The following NEDD4L variants were observed in gnomAD, a reference collection of about 807,000 sequenced individuals.
NEDD4L encodes the protein E3 ubiquitin-protein ligase NEDD4-like.
In NEDD4L, 54 loss-of-function variants were observed where a neutral mutation model predicts 148.9. That is an observed-to-expected ratio of 0.36 (90% CI 0.29 to 0.45). The LOEUF is 0.45. NEDD4L is among the 20% of genes least tolerant of loss of function. NEDD4L has a pLI of 1.00. For missense variants in NEDD4L, 856 were observed against 1,233.8 expected (o/e 0.69, Z 4.59); for synonymous variants, 433 against 440.7 (o/e 0.98, Z 0.22).
At chr18:58,255,672 C>G (rs1027400883) in intron 5 of NEDD4L, 3 of 1,232,424 alleles carry the variant, frequency 2.4e-6, no homozygotes, top group Non-Finnish European at 3.0e-6. Context: ...CATTTTGGCT[C>G]TGGTCGCAGC....
At chr18:58,137,491 A>G (rs1286698084) in intron 1 of NEDD4L, among the ~76,000 whole-genome samples, 1 of 152,090 alleles carries the variant, frequency 6.6e-6, no homozygotes, top group East Asian at 1.9e-4. Context: ...GAAAGGCCAT[A>G]AGGATGAGGA....
chr18:58,094,762 A>G (rs1675), intron 1 of NEDD4L, among the ~76,000 whole-genome samples: 15,361 of 152,128 alleles, frequency 0.1, 927 homozygotes, highest in Admixed American at 0.16. Context: ...GCCTGACTGC[A>G]TAGGTGGCGG....
At chr18:58,085,787 A>G (rs1452761927) in intron 1 of NEDD4L, among the ~76,000 whole-genome samples, 1 of 152,194 alleles carries the variant, frequency 6.6e-6, no homozygotes, top group Non-Finnish European at 1.5e-5. Flanking sequence ...TTCTCTCTCT[A>G]TTAAAAGGAG....
chr18:58,381,509 C>T (rs572499328), intron 24 of NEDD4L, among the ~76,000 whole-genome samples: 1 of 152,304 alleles, frequency 6.6e-6, no homozygotes, highest in South Asian at 2.1e-4. Context: ...GGATGCTTAT[C>T]TACTTGACCT....
chr18:58,361,130 A>G (rs904942517), intron 19 of NEDD4L, among the ~76,000 whole-genome samples: 5 of 152,152 alleles, frequency 3.3e-5, no homozygotes, highest in African/African-American at 1.2e-4. Context: ...CTGTGTCCCC[A>G]TGGGAGATTA....
At chr18:58,166,827 G>A (rs1365860489) in intron 2 of NEDD4L, among the ~76,000 whole-genome samples, 2 of 152,206 alleles carry the variant, frequency 1.3e-5, no homozygotes, top group East Asian at 1.9e-4. Flanking sequence ...GGCCCTTGGT[G>A]ACCCCTAGAT....
At chr18:58,260,862 A>G (rs1259226544) in intron 5 of NEDD4L, among the ~76,000 whole-genome samples, 1 of 152,222 alleles carries the variant, frequency 6.6e-6, no homozygotes, top group African/African-American at 2.4e-5. Flanking sequence ...TCTGCAGTTC[A>G]CTAGCTTTTG....
chr18:58,207,831 TAA>T (rs1399080598), intron 2 of NEDD4L, among the ~76,000 whole-genome samples: 1 of 152,038 alleles, frequency 6.6e-6, no homozygotes, highest in African/African-American at 2.4e-5. Context: ...TGACATAACT[TAA>T]AGAGAAGGGA....
intron 1 of NEDD4L, among the ~76,000 whole-genome samples, chr18:58,132,461 G>A (rs1003387856): frequency 2.6e-5 from 4 of 152,294 alleles, no homozygotes; most frequent in South Asian, 4.1e-4. Context: ...ATCACAAAAG[G>A]TACTTCAATA....
chr18:58,313,782 A>G (rs1568661758), intron 5 of NEDD4L, among the ~76,000 whole-genome samples: 1 of 152,258 alleles, frequency 6.6e-6, no homozygotes, highest in Non-Finnish European at 1.5e-5. Flanking sequence ...TGTCTGGGCA[A>G]AGCTTTAACC....
intron 1 of NEDD4L, among the ~76,000 whole-genome samples, chr18:58,077,043 G>A (rs1469171593): frequency 6.6e-6 from 1 of 151,266 alleles, no homozygotes; most frequent in Non-Finnish European, 1.5e-5. Context: ...GTAGAGATGG[G>A]GTTTTGCTAA....
At chr18:58,330,089 T>C (rs934471137) in intron 10 of NEDD4L, among the ~76,000 whole-genome samples, 2 of 152,228 alleles carry the variant, frequency 1.3e-5, no homozygotes, top group Non-Finnish European at 2.9e-5. Flanking sequence ...AACAACAAAT[T>C]AGCCATAATC....
At chr18:58,049,309 T>G (rs2081745939) in intron 1 of NEDD4L, among the ~76,000 whole-genome samples, 1 of 152,246 alleles carries the variant, frequency 6.6e-6, no homozygotes, top group African/African-American at 2.4e-5. Flanking sequence ...GATGGCCGTC[T>G]GTAAGTGATT....
intron 2 of NEDD4L, among the ~76,000 whole-genome samples, chr18:58,201,859 A>G (rs754435489): frequency 6.6e-6 from 1 of 152,128 alleles, no homozygotes; most frequent in African/African-American, 2.4e-5. Context: ...AACTCACTCA[A>G]TGTCAGTATA....
intron 1 of NEDD4L, among the ~76,000 whole-genome samples, chr18:58,118,107 C>T (rs1192512902): frequency 6.6e-6 from 1 of 152,238 alleles, no homozygotes; most frequent in Non-Finnish European, 1.5e-5. Flanking sequence ...GCAATAGCCT[C>T]AGAAGTTCGG....
At chr18:58,105,639 T>C (rs1271676321) in intron 1 of NEDD4L, among the ~76,000 whole-genome samples, 1 of 152,172 alleles carries the variant, frequency 6.6e-6, no homozygotes, top group South Asian at 2.1e-4. Context: ...TGTCTCTTAT[T>C]TATATTGTGA....
chr18:58,377,766 C>T (rs763210702), intron 24 of NEDD4L, among the ~76,000 whole-genome samples: 1 of 116,348 alleles, frequency 8.6e-6, no homozygotes, highest in Non-Finnish European at 1.8e-5. Context: ...TTTTTTGAGA[C>T]AGAGTCTCGC....
At chr18:58,370,717 T>C (rs1195409160) in intron 23 of NEDD4L, among the ~76,000 whole-genome samples, 1 of 152,250 alleles carries the variant, frequency 6.6e-6, no homozygotes, top group East Asian at 1.9e-4. Flanking sequence ...TTACCCGGCA[T>C]AGGACTTGTG....
At chr18:58,257,246 T>TAATTTA (rs2048714310) in intron 5 of NEDD4L, among the ~76,000 whole-genome samples, 1 of 152,120 alleles carries the variant, frequency 6.6e-6, no homozygotes, top group African/African-American at 2.4e-5. Context: ...TCTTAATAGT[T>TAATTTA]AAAATAGGTG....
Sources: gnomAD v4.1 joint callset for allele counts (sites outside exome capture counted in the v4.1 genomes callset) on GRCh38, gnomAD v4.1.1 for gene constraint, MANE v1.5 for transcripts, NCBI Gene and HGNC (gene_info 2026-07-23, HGNC 2026-07-21) for gene names.